The following LDB2 variants were observed in gnomAD, a reference collection of about 807,000 sequenced individuals.
LDB2 encodes LIM domain-binding protein 2.
In LDB2, 12 loss-of-function variants were observed where a neutral mutation model predicts 44.3. The ratio of observed to expected loss-of-function variants is 0.27; its 90% CI spans 0.17 to 0.44. The LOEUF is 0.44. Among genes scored for constraint, LDB2 ranks in the 20% least tolerant of loss-of-function variants. The pLI is 1.00. For missense variants in LDB2, 344 were observed against 473.5 expected (o/e 0.73, Z 2.54); for synonymous variants, 164 against 174.8 (o/e 0.94, Z 0.49).
intron 5 of LDB2, among the ~76,000 whole-genome samples, chr4:16,514,186 C>A (rs1246603041): frequency 1.3e-5 from 2 of 152,142 alleles, no homozygotes; most frequent in African/African-American, 4.8e-5. Flanking sequence ...ATCATTTTTC[C>A]TGTATCTTTG....
At chr4:16,626,577 T>G (rs914546915) in intron 2 of LDB2, among the ~76,000 whole-genome samples, 3 of 152,204 alleles carry the variant, frequency 2.0e-5, no homozygotes, top group Non-Finnish European at 4.4e-5. Flanking sequence ...CAAATACAAC[T>G]TGCACTTATT....
At position 16,835,736 on chromosome 4, in the gene LDB2, T is replaced by C. The variant is rs550675778; in HGVS notation, c.132+62618A>G. Among the ~76,000 whole-genome samples the C allele has an allele frequency of 2.6e-5, 4 of 152,360 alleles. No homozygotes were observed. The East Asian group carries it at 7.7e-4, about 29-fold the overall frequency. On this transcript the variant is annotated intron_variant, in intron 1 of 7. Transcript: ENST00000304523. Reference sequence around the variant, plus strand: ...CATCACCAATTAATGAGAGTCCTAATTGCTCTATAGCCTCAGCAATATTTG... The same window carrying C: ...CATCACCAATTAATGAGAGTCCTAACTGCTCTATAGCCTCAGCAATATTTG...
chr4:16,508,884 TTTC>T (rs927189248), intron 6 of LDB2, among the ~76,000 whole-genome samples, 198 bp from the exon 7 acceptor site: 9 of 152,208 alleles, frequency 5.9e-5, no homozygotes, highest in Admixed American at 3.3e-4. Context: ...GTGACACTCT[TTTC>T]TTTGTGTGTA....
intron 2 of LDB2, among the ~76,000 whole-genome samples, chr4:16,698,595 C>G (rs1394710081): frequency 6.6e-6 from 1 of 151,978 alleles, no homozygotes; most frequent in Non-Finnish European, 1.5e-5. Flanking sequence ...CTTTATTCTA[C>G]TGGATTTGTT....
intron 2 of LDB2, among the ~76,000 whole-genome samples, chr4:16,707,226 G>A (rs1224793076): frequency 6.6e-6 from 1 of 152,078 alleles, no homozygotes; most frequent in Non-Finnish European, 1.5e-5. Flanking sequence ...TTATGCCACT[G>A]AGAACTTTAC....
At chr4:16,864,203 G>A (rs11945044) in intron 1 of LDB2, among the ~76,000 whole-genome samples, 17,062 of 152,080 alleles carry the variant, frequency 0.11, 3,065 homozygotes, top group African/African-American at 0.38. Flanking sequence ...TCAGTTGCTA[G>A]TCTAACCTGG....
intron 2 of LDB2, among the ~76,000 whole-genome samples, chr4:16,607,985 C>A (rs1450831760): frequency 1.3e-5 from 2 of 152,018 alleles, no homozygotes; most frequent in East Asian, 3.9e-4. Context: ...TAGGGCCCTG[C>A]ATCTGGAATT....
At chr4:16,538,513 C>T (rs1211512121) in intron 5 of LDB2, among the ~76,000 whole-genome samples, 2 of 151,990 alleles carry the variant, frequency 1.3e-5, no homozygotes, top group East Asian at 3.9e-4. Flanking sequence ...AGCTTTTCCC[C>T]TTCCCACCAT....
Position 16,637,412 on chromosome 4 carries a change from A to G in LDB2, c.236-41537T>C, listed in dbSNP as rs1051171873. Among the ~76,000 whole-genome samples, 8 of 147,324 alleles carry G rather than the reference A, an allele frequency of 5.4e-5. No homozygotes were observed. The Admixed American group carries it at 5.6e-4, about 10-fold the overall frequency. ...TCATAAGCAATTATGTGGGTGCTTAAATGATATGATGTGGCCACATAGTAA... is the reference window on the plus strand; with the variant it reads ...TCATAAGCAATTATGTGGGTGCTTAGATGATATGATGTGGCCACATAGTAA... On this transcript the variant is annotated intron_variant, in intron 2 of 7. Transcript: ENST00000304523.
intron 2 of LDB2, among the ~76,000 whole-genome samples, chr4:16,654,934 A>G (rs898455846): frequency 4.6e-5 from 7 of 152,202 alleles, no homozygotes; most frequent in African/African-American, 1.7e-4. Context: ...TGAATACATG[A>G]AAGCTCTTCC....
Position 16,845,677 on chromosome 4 carries a change from T to C in LDB2, c.132+52677A>G, listed in dbSNP as rs551674511. ...CATAGGACTTATGAAATACCTACCATGGGTAGGTCCTCTACTAGCTGGTTT... is the reference window on the plus strand; with the variant it reads ...CATAGGACTTATGAAATACCTACCACGGGTAGGTCCTCTACTAGCTGGTTT... On this transcript the variant is annotated intron_variant, in intron 1 of 7. Coordinates refer to ENST00000304523, the MANE Select transcript of LDB2 (RefSeq NM_001290.5). Among the ~76,000 whole-genome samples, 9 of 152,274 alleles carry C rather than the reference T, an allele frequency of 5.9e-5. No individual in the cohort carries two copies. In the East Asian group the frequency reaches 1.5e-3, roughly 26 times the overall value.
intron 2 of LDB2, among the ~76,000 whole-genome samples, chr4:16,613,391 G>A (rs1278396952): frequency 6.6e-6 from 1 of 152,146 alleles, no homozygotes; most frequent in Non-Finnish European, 1.5e-5. Flanking sequence ...GAAATAAAGG[G>A]TATTCAAATA....
intron 2 of LDB2, among the ~76,000 whole-genome samples, chr4:16,628,558 G>C (rs972530622): frequency 1.1e-4 from 16 of 151,946 alleles, no homozygotes; most frequent in African/African-American, 3.9e-4. Context: ...CCGTCCTCTG[G>C]TGAGTTAAAT....
intron 1 of LDB2, among the ~76,000 whole-genome samples, chr4:16,805,921 G>A (rs2109798381): frequency 6.6e-6 from 1 of 152,286 alleles, no homozygotes; most frequent in South Asian, 2.1e-4. Context: ...TTCTCTGACT[G>A]AAAACCATAG....
intron 5 of LDB2, among the ~76,000 whole-genome samples, chr4:16,562,410 T>C (rs1427807265): frequency 1.3e-5 from 2 of 152,150 alleles, no homozygotes; most frequent in Non-Finnish European, 2.9e-5. Flanking sequence ...GCGAAGGACA[T>C]GAACAGACAC....
At chr4:16,600,795 T>C (rs975011107) in intron 2 of LDB2, among the ~76,000 whole-genome samples, 2 of 152,130 alleles carry the variant, frequency 1.3e-5, no homozygotes, top group African/African-American at 4.8e-5. Flanking sequence ...TTCTTGTAGG[T>C]ATTACTTGTA....
chr4:16,794,100 C>T (rs1343095135), intron 1 of LDB2, among the ~76,000 whole-genome samples: 1 of 152,260 alleles, frequency 6.6e-6, no homozygotes, highest in East Asian at 1.9e-4. Flanking sequence ...ACTGCTCTCT[C>T]TTATCAAAAC....
At chr4:16,750,220 C>G (rs1765233212) in intron 2 of LDB2, among the ~76,000 whole-genome samples, 1 of 152,188 alleles carries the variant, frequency 6.6e-6, no homozygotes, top group African/African-American at 2.4e-5. Context: ...TACATTAGGT[C>G]TCTAGTGCAC....
chr4:16,752,240 A>C (rs283027), intron 2 of LDB2, among the ~76,000 whole-genome samples: 115,029 of 152,128 alleles, frequency 0.76, 45,795 homozygotes, highest in South Asian at 0.91. Context: ...TCAGTGAACA[A>C]GATACAGAGC....
Sources: allele counts gnomAD v4.1 joint callset (sites outside exome capture counted in the v4.1 genomes callset), GRCh38; gene constraint gnomAD v4.1.1; transcripts MANE v1.5; gene names NCBI Gene and HGNC (gene_info 2026-07-23, HGNC 2026-07-21).